Variants in ORC5 observed in about 807,000 individuals in gnomAD.
ORC5 encodes protein phosphatase 1, regulatory subunit 117.
A neutral mutation model predicts 58.8 loss-of-function variants in ORC5; 39 were observed. The ratio of observed to expected loss-of-function variants is 0.66; its 90% CI spans 0.51 to 0.87. The LOEUF (loss-of-function observed/expected upper bound fraction) is 0.87, where lower values mean the gene tolerates loss of function less well. ORC5 is among the 40% of genes least tolerant of loss of function. The pLI is 0.00. For synonymous variants in ORC5, 218 were observed against 177.6 expected (o/e 1.23, Z -1.81); for missense variants, 493 against 506.3 (o/e 0.97, Z 0.25).
chr7:104,200,649 G>A (rs1799915861), intron 3 of ORC5, 109 bp downstream of exon 3: 2 of 680,916 alleles, frequency 2.9e-6, no homozygotes, highest in Admixed American at 5.7e-5. Context: ...AAAAGCACCT[G>A]GCACAGAGCA....
chr7:104,143,588 T>C (rs1353276411), intron 12 of ORC5, among the ~76,000 whole-genome samples: 1 of 152,126 alleles, frequency 6.6e-6, no homozygotes, highest in Non-Finnish European at 1.5e-5. Flanking sequence ...ATAAGATGAT[T>C]GATCAATTTT....
rs1222116459 is a variant in ORC5 at position 104,127,979 on chromosome 7, A to T, written c.1263-1086T>A. Among the ~76,000 whole-genome samples the T allele has an allele frequency of 2.0e-5, 3 of 152,250 alleles. No homozygotes were observed. In the East Asian group the frequency reaches 5.8e-4, roughly 29 times the overall value. ...TATAAAACTGCCAAAACAATACTGC[A>T]GAACTAAAAAGTTTAAAAAAAATCT... On this transcript the variant is annotated intron_variant, in intron 13 of 13. Transcript: ENST00000297431.
intron 8 of ORC5, among the ~76,000 whole-genome samples, chr7:104,179,147 C>A (rs80134823): frequency 0.03 from 4,363 of 147,492 alleles, 187 homozygotes; most frequent in African/African-American, 0.1. Context: ...CAGGGTCTCA[C>A]CATGTTTCCC....
In ORC5 at chr7:104,200,784, T is replaced by C. The variant is rs1562830894; in HGVS notation, c.340A>G (p.Asn114Asp). 4 of 1,607,980 alleles carry C rather than the reference T, an allele frequency of 2.5e-6. No individual in the cohort carries two copies. The highest frequency in any genetic ancestry group is 2.2e-5 in the East Asian group (1 of 44,836). The stretch of plus-strand genomic sequence containing the variant: ...ATATATACAGTCTGATCTTTAAGAT[T>C]TTCAGCTGTGGTTACTTGTTTAAAC... Reference protein sequence around the residue: ...RLFKQVTTAENLKDQTVYIVL... With the variant: ...RLFKQVTTAEDLKDQTVYIVL... The change falls in exon 3 of 14, where the codon AAT becomes GAT. Residue 114 changes from asparagine to aspartate, a missense_variant. Around this residue, in one of 3 missense-constraint regions of ORC5, gnomAD observed 412 missense variants for 403.7 expected, o/e 1.02. Coordinates refer to ENST00000297431, the MANE Select transcript of ORC5 (RefSeq NM_002553.4).
intron 11 of ORC5, among the ~76,000 whole-genome samples, chr7:104,163,929 A>G (rs979533789): frequency 3.3e-5 from 5 of 152,230 alleles, no homozygotes; most frequent in African/African-American, 1.2e-4. Flanking sequence ...AGCACTTGAA[A>G]TCATAGAATT....
chr7:104,151,545 G>A (rs777943442), intron 12 of ORC5, among the ~76,000 whole-genome samples: 26 of 152,108 alleles, frequency 1.7e-4, no homozygotes, highest in Non-Finnish European at 2.9e-4. Flanking sequence ...CTAATAACGC[G>A]TATACTACAT....
intron 1 of ORC5, among the ~76,000 whole-genome samples, chr7:104,206,810 T>A (rs1800098246): frequency 6.6e-6 from 1 of 152,224 alleles, no homozygotes. Context: ...CACTTTTAGA[T>A]GCAGACTTAT....
intron 8 of ORC5, among the ~76,000 whole-genome samples, chr7:104,173,033 C>T (rs1447765422): frequency 1.3e-5 from 2 of 148,260 alleles, no homozygotes; most frequent in Admixed American, 1.3e-4. Context: ...AATGGAGTCA[C>T]ATGTGCTAAA....
intron 12 of ORC5, among the ~76,000 whole-genome samples, chr7:104,151,678 T>C (rs1340226391): frequency 6.6e-6 from 1 of 152,154 alleles, no homozygotes; most frequent in African/African-American, 2.4e-5. Context: ...CTGACATATA[T>C]GGGTCATCCA....
chr7:104,154,379 A>C (rs1362205774), intron 12 of ORC5, among the ~76,000 whole-genome samples: 1 of 152,086 alleles, frequency 6.6e-6, no homozygotes, highest in Non-Finnish European at 1.5e-5. Context: ...TAAAATATTA[A>C]GAACTACTTA....
At chr7:104,130,436 AT>A (rs756193954) in intron 13 of ORC5, among the ~76,000 whole-genome samples, 5 of 152,112 alleles carry the variant, frequency 3.3e-5, no homozygotes, top group Admixed American at 6.5e-5. Flanking sequence ...CTTCCAATGA[AT>A]GTTTAACTCT....
intron 12 of ORC5, among the ~76,000 whole-genome samples, chr7:104,153,942 T>C (rs989042344): frequency 6.6e-6 from 1 of 152,152 alleles, no homozygotes; most frequent in Non-Finnish European, 1.5e-5. Flanking sequence ...ATAAATATTA[T>C]GTAATATGCA....
chr7:104,195,342 T>A (rs1174645718), intron 4 of ORC5, 88 bp from the exon 5 acceptor site: 1 of 647,466 alleles, frequency 1.5e-6, no homozygotes, highest in African/African-American at 1.9e-5. Flanking sequence ...TTCAAATACA[T>A]CCCCCCAGAG....
At chr7:104,199,666 G>C (rs963599485) in intron 3 of ORC5, among the ~76,000 whole-genome samples, 6 of 152,340 alleles carry the variant, frequency 3.9e-5, no homozygotes, top group Admixed American at 1.3e-4. Context: ...TAGGCTCATA[G>C]GTGGAAGGGA....
In ORC5 at chr7:104,129,846, C is replaced by T. The variant is rs992054684; in HGVS notation, c.1263-2953G>A. Among the ~76,000 whole-genome samples the T allele has an allele frequency of 6.6e-6, 1 of 152,100 alleles. No individual in the cohort carries two copies. Among genetic ancestry groups the T allele is most frequent in the Non-Finnish European group, 1.5e-5 (1 of 68,018 alleles). ...CAGCTGGAAAGAAATACAGTAAACA[C>T]GAATAGTGTGGTGGCAATTTTCCTA... On this transcript the variant is annotated intron_variant, in intron 13 of 13. Coordinates refer to ENST00000297431, the MANE Select transcript of ORC5 (RefSeq NM_002553.4). The surrounding 1 kb of genome is among the most constrained non-coding windows in gnomAD (Gnocchi z 4.9).
chr7:104,176,575 C>G (rs1799326308), intron 8 of ORC5, among the ~76,000 whole-genome samples: 1 of 152,102 alleles, frequency 6.6e-6, no homozygotes, highest in Non-Finnish European at 1.5e-5. Context: ...TGCCTAAGCT[C>G]TAAAAGGGAG....
chr7:104,144,936 G>A (rs1197981895), intron 12 of ORC5, among the ~76,000 whole-genome samples: 1 of 152,096 alleles, frequency 6.6e-6, no homozygotes, highest in African/African-American at 2.4e-5. Context: ...CAGATTCATC[G>A]TGGTGTCTCA....
intron 6 of ORC5, 95 bp downstream of exon 6, chr7:104,188,156 C>T: frequency 9.9e-7 from 1 of 1,006,292 alleles, no homozygotes; most frequent in Non-Finnish European, 1.4e-6. Flanking sequence ...ACCATTTCTA[C>T]ATGGAAAACA....
chr7:104,149,941 A>C (rs1397112079), intron 12 of ORC5, among the ~76,000 whole-genome samples: 3 of 152,176 alleles, frequency 2.0e-5, no homozygotes, highest in Non-Finnish European at 4.4e-5. Context: ...GGGGTTATAC[A>C]ATATTTGTTT....
Sources: allele counts gnomAD v4.1 joint callset (sites outside exome capture counted in the v4.1 genomes callset), GRCh38; gene constraint gnomAD v4.1.1; regional missense constraint gnomAD v4.1.1; non-coding constraint Gnocchi (gnomAD v3.1); transcripts MANE v1.5; gene names NCBI Gene and HGNC (gene_info 2026-07-23, HGNC 2026-07-21).